Variants in DMXL2 observed in about 807,000 individuals in gnomAD.
DMXL2 encodes Dmx like 2, also known as dmX-like protein 2.
DMXL2 carries 103 observed loss-of-function variants against 331.1 expected under a neutral mutation model. The ratio of observed to expected loss-of-function variants is 0.31; its 90% CI spans 0.27 to 0.37. The LOEUF (loss-of-function observed/expected upper bound fraction) is 0.37. Ranked by LOEUF, DMXL2 falls within the 10% of genes least tolerant of loss-of-function variation. The probability of loss-of-function intolerance (pLI) is 1.00; values close to 1 mark genes in which losing one functional copy is unlikely to be tolerated. For synonymous variants in DMXL2, 1,281 were observed against 1,252.1 expected, an observed-to-expected ratio of 1.02 and a Z score of -0.49; for missense variants, 3,171 against 3,642.9, an observed-to-expected ratio of 0.87 and a Z score of 3.33.
intron 1 of DMXL2, among the ~76,000 whole-genome samples, chr15:51,601,789 T>G (rs1160417755): frequency 6.6e-6 from 1 of 152,208 alleles, no homozygotes; most frequent in African/African-American, 2.4e-5. Context: ...TCTCTTAAAA[T>G]TTTGATTGGG....
At chr15:51,614,518 A>G (rs1039184668) in intron 1 of DMXL2, among the ~76,000 whole-genome samples, 1 of 152,220 alleles carries the variant, frequency 6.6e-6, no homozygotes, top group Non-Finnish European at 1.5e-5. Flanking sequence ...AGGGCAGCAC[A>G]GCTTTACACC....
Position 51,495,042 on chromosome 15 carries a change from C to G in DMXL2, c.4765G>C (p.Val1589Leu), listed in dbSNP as rs543110961. The change falls in exon 19 of 44, where the codon GTG (valine) becomes CTG (leucine). Residue 1589 changes from valine (V) to leucine (L), a missense_variant. Physicochemically the swap from Val to Leu is conservative, Grantham distance 32. This residue lies in a region of DMXL2 where 252 missense variants were observed against 387.4 expected (regional missense o/e 0.65). Coordinates refer to ENST00000560891, the MANE Select transcript of DMXL2 (RefSeq NM_001378457.1). ...GAATTACCTTGATGAAGTAGCTGCA[C>G]TCGGTATAAAGGAGGCAGCGATGTC... ...LLTSLPPLYR[V>L]QLLHQGVSTC... 6.2e-7 allele frequency: 1 copy of G among 1,612,342 alleles called. No homozygotes were observed. Among genetic ancestry groups the G allele is most frequent in the Non-Finnish European group, 8.5e-7 (1 of 1,178,798 alleles).
At position 51,457,216 on chromosome 15, in the gene DMXL2, C is replaced by A. The variant is rs1350491701; in HGVS notation, c.8337+112G>T. ...AAATGTCAGCTGTCATTATCATGGC[C>A]TATCTACTGGTGTTTGTCCCTGAAA... On this transcript the variant is annotated intron_variant, in intron 37 of 43. Coordinates refer to ENST00000560891, the MANE Select transcript of DMXL2 (RefSeq NM_001378457.1). 3 of 1,085,088 alleles carry A rather than the reference C, an allele frequency of 2.8e-6. No homozygotes were observed. The Admixed American group carries it at 8.2e-5, about 30-fold the overall frequency. The allele number at this position is 1,085,088 out of a possible 1,614,324, so 67.2% of individuals were successfully genotyped here.
chr15:51,471,069 T>C (rs1197617596), intron 29 of DMXL2, among the ~76,000 whole-genome samples, 154 bp downstream of exon 29: 1 of 152,240 alleles, frequency 6.6e-6, no homozygotes, highest in Admixed American at 6.5e-5. Context: ...GAATTTACTA[T>C]GACTATTCAG....
intron 26 of DMXL2, 126 bp downstream of exon 26, chr15:51,478,145 T>A: frequency 1.6e-6 from 1 of 626,016 alleles, no homozygotes; most frequent in Non-Finnish European, 2.7e-6. Flanking sequence ...CTCTCGCATG[T>A]ATTAAAATAT....
At chr15:51,463,193 T>A (rs562692084) in intron 33 of DMXL2, 186 bp downstream of exon 33, 5 of 449,244 alleles carry the variant, frequency 1.1e-5, no homozygotes, top group East Asian at 4.5e-5. Flanking sequence ...AGTACCTATG[T>A]TGTTTCATTG....
chr15:51,535,534 T>G (rs1159616695), intron 13 of DMXL2, 129 bp downstream of exon 13: 1 of 746,202 alleles, frequency 1.3e-6, no homozygotes, highest in African/African-American at 1.8e-5. Context: ...GTGTCATATA[T>G]ATGTCATATG....
At position 51,457,356 on chromosome 15, in the gene DMXL2, G is replaced by T; in HGVS notation, c.8309C>A (p.Thr2770Asn). The T allele has an allele frequency of 6.2e-7, 1 of 1,614,176 alleles. No individual in the cohort carries two copies. The highest frequency in any genetic ancestry group is 8.5e-7 in the Non-Finnish European group (1 of 1,180,014). Reference sequence around the variant, plus strand: ...ACTAGCTCCAGTGCTAGTCTGTCCAGTGCCCAGCCATGGCAGAGATGAAGG... The same window carrying T: ...ACTAGCTCCAGTGCTAGTCTGTCCATTGCCCAGCCATGGCAGAGATGAAGG... ...HPPSSLPWLG[T>N]GQTSTGASVL... The change falls in exon 37 of 44, where the codon ACT becomes AAT. Residue 2770 changes from threonine to asparagine, a missense_variant. Transcript: ENST00000560891.
rs1717762049 is a variant in DMXL2 at position 51,532,015 on chromosome 15, T to C, written c.2436+3648A>G. Among the ~76,000 whole-genome samples the C allele has an allele frequency of 2.0e-5, 3 of 152,282 alleles. No individual in the cohort carries two copies. The South Asian group carries it at 6.2e-4, about 32-fold the overall frequency. On this transcript the variant is annotated intron_variant, in intron 13 of 43. Transcript: ENST00000560891. ...CTACCATACAATCCAGCAATTCCAC[T>C]GCTGGGCACATACCCAAAAGAACGA... is the stretch of plus-strand genomic sequence containing the variant.
In DMXL2 at chr15:51,466,165, A is replaced by G; in HGVS notation, c.7520+19T>C. On this transcript the variant is annotated intron_variant, in intron 30 of 43. Transcript: ENST00000560891. ...AGAAAAGCCAAAAAAAAAATGAGAG[A>G]AAGAAAAGTCTTATTTACCTATAGG... The G allele has an allele frequency of 6.5e-7, 1 of 1,542,598 alleles. No individual in the cohort carries two copies. The highest frequency in any genetic ancestry group is 8.7e-7 in the Non-Finnish European group (1 of 1,153,818).
At chr15:51,455,108 A>C in intron 40 of DMXL2, 43 bp downstream of exon 40, 1 of 1,440,958 alleles carries the variant, frequency 6.9e-7, no homozygotes, top group Non-Finnish European at 9.8e-7. Context: ...TCATGAACAA[A>C]GTGTTGTGTA....
intron 1 of DMXL2, among the ~76,000 whole-genome samples, chr15:51,601,790 T>A (rs919322467): frequency 1.3e-5 from 2 of 152,216 alleles, no homozygotes; most frequent in African/African-American, 4.8e-5. Flanking sequence ...CTCTTAAAAT[T>A]TTGATTGGGA....
At chr15:51,541,337 A>C (rs1478990916) in intron 9 of DMXL2, among the ~76,000 whole-genome samples, 1 of 152,126 alleles carries the variant, frequency 6.6e-6, no homozygotes, top group Non-Finnish European at 1.5e-5. Context: ...ACTTTATTTG[A>C]CTCAACATAT....
chr15:51,460,961 G>A (rs925987607), intron 33 of DMXL2, among the ~76,000 whole-genome samples: 2 of 152,060 alleles, frequency 1.3e-5, no homozygotes, highest in Non-Finnish European at 2.9e-5. Flanking sequence ...CAAGTACTCA[G>A]TAACCACATG....
At chr15:51,469,381 T>C (rs2040887219) in intron 29 of DMXL2, among the ~76,000 whole-genome samples, 1 of 152,154 alleles carries the variant, frequency 6.6e-6, no homozygotes, top group Admixed American at 6.5e-5. Flanking sequence ...TTTGTGTATG[T>C]TGGAAGTTTT....
chr15:51,561,033 AAATTT>A (rs2049935606), intron 6 of DMXL2, among the ~76,000 whole-genome samples: 2 of 152,058 alleles, frequency 1.3e-5, no homozygotes, highest in African/African-American at 2.4e-5. Flanking sequence ...TAAAAATTAA[AAATTT>A]AATAGCAGAA....
chr15:51,477,138 C>T (rs11639009), intron 26 of DMXL2, among the ~76,000 whole-genome samples: 2 of 151,992 alleles, frequency 1.3e-5, no homozygotes, highest in East Asian at 3.9e-4. Flanking sequence ...AAGTTTAACC[C>T]TAAATTAAAG....
intron 24 of DMXL2, 24 bp from the exon 25 acceptor site, chr15:51,480,163 T>A: frequency 6.7e-7 from 1 of 1,487,440 alleles, no homozygotes; most frequent in Non-Finnish European, 9.0e-7. Context: ...TGAATTATTT[T>A]TTTCAAAGTA....
At chr15:51,581,250 T>G (rs1211526961) in intron 1 of DMXL2, among the ~76,000 whole-genome samples, 4 of 152,200 alleles carry the variant, frequency 2.6e-5, no homozygotes, top group African/African-American at 9.7e-5. Flanking sequence ...GGATGTAGGC[T>G]GTATGCTCTT....
Sources: allele counts gnomAD v4.1 joint callset (sites outside exome capture counted in the v4.1 genomes callset), GRCh38; gene constraint gnomAD v4.1.1; regional missense constraint gnomAD v4.1.1; transcripts MANE v1.5; gene names NCBI Gene and HGNC (gene_info 2026-07-23, HGNC 2026-07-21).